Variants in DGKD observed in about 807,000 individuals in gnomAD.
The protein encoded by DGKD is DAG kinase delta.
Under a neutral mutation model 154.4 loss-of-function variants are expected in DGKD, and 68 were observed. The observed-to-expected ratio is 0.44, with a 90% CI of 0.36 to 0.54. The LOEUF (loss-of-function observed/expected upper bound fraction) is 0.54, where lower values mean the gene tolerates loss of function less well. Ranked by LOEUF, DGKD falls within the 20% of genes least tolerant of loss-of-function variation. The probability of loss-of-function intolerance (pLI) is 0.00; values close to 1 mark genes in which losing one functional copy is unlikely to be tolerated. For synonymous variants in DGKD, 693 were observed against 638.0 expected, an observed-to-expected ratio of 1.09 and a Z score of -1.30; for missense variants, 1,343 against 1,593.6, an observed-to-expected ratio of 0.84 and a Z score of 2.68.
At chr2:233,380,522 A>G (rs2125417186) in intron 1 of DGKD, among the ~76,000 whole-genome samples, 1 of 152,334 alleles carries the variant, frequency 6.6e-6, no homozygotes, top group East Asian at 1.9e-4. Context: ...CCAGCCAAGC[A>G]CTTGCCTACC....
chr2:233,374,446 T>C (rs2125405142), intron 1 of DGKD, among the ~76,000 whole-genome samples: 1 of 152,276 alleles, frequency 6.6e-6, no homozygotes, highest in African/African-American at 2.4e-5. Context: ...GTGATTTTCC[T>C]GTCTTGGCCT....
chr2:233,400,431 G>A (rs1310124145), intron 3 of DGKD, among the ~76,000 whole-genome samples: 1 of 152,194 alleles, frequency 6.6e-6, no homozygotes, highest in Admixed American at 6.5e-5. Flanking sequence ...TTCACACCCA[G>A]TGCCCACTGC....
intron 3 of DGKD, among the ~76,000 whole-genome samples, chr2:233,412,323 A>C (rs1309734864): frequency 6.6e-6 from 1 of 152,200 alleles, no homozygotes; most frequent in Non-Finnish European, 1.5e-5. Context: ...TTTTCAGTGT[A>C]GATGTCTTTA....
rs935130965 is a variant in DGKD at position 233,467,742 on chromosome 2, A to T, written c.3424+539A>T. On this transcript the variant is annotated intron_variant, in intron 28 of 29. Coordinates refer to ENST00000264057, the MANE Select transcript of DGKD (RefSeq NM_152879.3). ...AGGATCAGCCCTGAATACCCAGGCC[A>T]TATCCAGTGCTGTCAGGGGCTGGAG... Among the ~76,000 whole-genome samples, 3 of 152,208 alleles carry T rather than the reference A, an allele frequency of 2.0e-5. No individual in the cohort carries two copies. In the East Asian group the frequency reaches 5.8e-4, roughly 29 times the overall value.
intron 10 of DGKD, among the ~76,000 whole-genome samples, chr2:233,442,951 G>A (rs2062949718): frequency 6.6e-6 from 1 of 152,046 alleles, no homozygotes; most frequent in African/African-American, 2.4e-5. Context: ...CAGACACCTT[G>A]TGCCTGTGTC....
At chr2:233,410,794 C>T (rs1282770813) in intron 3 of DGKD, among the ~76,000 whole-genome samples, 1 of 152,228 alleles carries the variant, frequency 6.6e-6, no homozygotes, top group Non-Finnish European at 1.5e-5. Flanking sequence ...TTCTCTCTCT[C>T]TCTCTCATAA....
chr2:233,451,375 A>ACTTTC (rs2063287554), intron 17 of DGKD, among the ~76,000 whole-genome samples: 1 of 151,936 alleles, frequency 6.6e-6, no homozygotes, highest in Non-Finnish European at 1.5e-5. Context: ...TGATGAGGGA[A>ACTTTC]CCCGAGGGAC....
At chr2:233,367,263 CTG>C (rs1702074746) in intron 1 of DGKD, among the ~76,000 whole-genome samples, 1 of 150,476 alleles carries the variant, frequency 6.6e-6, no homozygotes, top group African/African-American at 2.5e-5. Context: ...GAATCTCACT[CTG>C]TCGCCCAGAC....
chr2:233,394,168 C>T (rs969143796), intron 3 of DGKD, among the ~76,000 whole-genome samples: 6 of 152,042 alleles, frequency 3.9e-5, no homozygotes, highest in Non-Finnish European at 7.4e-5. Context: ...CTTTGTTAAG[C>T]GTGTAAATAT....
rs547448630 is a variant in DGKD, at chr2:233,388,342, C to T, written c.242C>T (p.Thr81Met). Reference sequence around the variant, plus strand: ...AGATACTTTAAGCTTCGAGGGCGAACGCTTTACTATGCCAAAACGGCAAAG... The same window carrying T: ...AGATACTTTAAGCTTCGAGGGCGAATGCTTTACTATGCCAAAACGGCAAAG... Reference protein sequence around the residue: ...KRRYFKLRGRTLYYAKTAKSI... With the variant: ...KRRYFKLRGRMLYYAKTAKSI... Residue 81 changes from threonine (T) to methionine (M), a missense_variant, in exon 2 of 30, where the codon ACG becomes ATG. By Grantham distance (81) the Thr-to-Met change is moderately conservative (BLOSUM62 -1). Transcript: ENST00000264057. The T allele has an allele frequency of 6.2e-6, 10 of 1,613,796 alleles. No homozygotes were observed. Among genetic ancestry groups the T allele is most frequent in the South Asian group, 3.3e-5 (3 of 91,028 alleles).
At chr2:233,394,690 CCTTTTTTTTTTTTTTT>C (rs1229175242) in intron 3 of DGKD, among the ~76,000 whole-genome samples, 38 of 83,256 alleles carry the variant, frequency 4.6e-4, no homozygotes, top group African/African-American at 1.5e-3. Context: ...AATTTAATTC[CCTTTTTTTTTTTTTTT>C]TTTTTTTTTT....
chr2:233,460,194 G>A lies in DGKD; in HGVS notation c.2830G>A (p.Ala944Thr). 1 of 1,613,830 alleles carries A rather than the reference G, an allele frequency of 6.2e-7. No individual in the cohort carries two copies. ...NRAQTLTRDR[A>T]FESTLKSWED... ...TGTAATTGGGCTTTCGGGTCCATAG[G>A]CATTTGAGAGCACCCTGAAGTCCTG... The change falls in exon 24 of 30, where the codon GCA becomes ACA. Residue 944 changes from alanine (A) to threonine (T), a missense_variant and splice_region_variant. By Grantham distance (58) the Ala-to-Thr change is moderately conservative. This residue lies in a region of DGKD where 429 missense variants were observed against 496.3 expected (regional missense o/e 0.86). Transcript: ENST00000264057.
At chr2:233,436,220 A>C (rs2062689607) in intron 6 of DGKD, 96 bp from the exon 7 acceptor site, 1 of 1,570,480 alleles carries the variant, frequency 6.4e-7, no homozygotes, top group Non-Finnish European at 8.6e-7. Context: ...TGTTCTGGGA[A>C]GAATGCCTTG....
At chr2:233,374,933 T>C (rs997308296) in intron 1 of DGKD, among the ~76,000 whole-genome samples, 1 of 152,196 alleles carries the variant, frequency 6.6e-6, no homozygotes, top group Non-Finnish European at 1.5e-5. Flanking sequence ...CCTCCCAAAG[T>C]GCTGAGATTA....
intron 3 of DGKD, among the ~76,000 whole-genome samples, chr2:233,411,286 A>G (rs1487686810): frequency 2.6e-5 from 4 of 152,166 alleles, no homozygotes; most frequent in Admixed American, 2.6e-4. Context: ...TGAAGTGGTG[A>G]TCCAATTTTA....
chr2:233,362,665 A>G (rs902794321), intron 1 of DGKD, among the ~76,000 whole-genome samples: 2 of 152,204 alleles, frequency 1.3e-5, no homozygotes, highest in Admixed American at 6.5e-5. Context: ...TAGAAAAAAA[A>G]GAAAGAAAAG....
chr2:233,434,715 T>G, intron 4 of DGKD, 54 bp from the exon 5 acceptor site: 1 of 1,580,600 alleles, frequency 6.3e-7, no homozygotes, highest in Non-Finnish European at 8.6e-7. Context: ...GTTACTGCAT[T>G]TAACAATTTA....
rs1180114188 is a variant in DGKD, at chr2:233,441,210, AG to A, written c.1086-673del. On this transcript the variant is annotated intron_variant, in intron 9 of 29. Transcript: ENST00000264057. This position sits in a 1 kb window ranked among gnomAD's most constrained non-coding sequence, Gnocchi z 5.6. Reference sequence around the variant, plus strand: ...CTCCTGAGTGGGGACGCTGCTGGGCAGGGGCAGGGGGAGCCCAGGAAGGAAG... The same window carrying A: ...CTCCTGAGTGGGGACGCTGCTGGGCAGGGCAGGGGGAGCCCAGGAAGGAAG... Among the ~76,000 whole-genome samples, 10 of 152,144 alleles carry A rather than the reference AG, an allele frequency of 6.6e-5. No individual in the cohort carries two copies. Among genetic ancestry groups the A allele is most frequent in the Admixed American group, 2.0e-4 (3 of 15,274 alleles).
intron 1 of DGKD, among the ~76,000 whole-genome samples, chr2:233,359,171 G>T (rs968412570): frequency 6.6e-6 from 1 of 152,234 alleles, no homozygotes. Context: ...AGTCACTTCA[G>T]ACCCTGCGCT....
Sources: gnomAD v4.1 joint callset for allele counts (sites outside exome capture counted in the v4.1 genomes callset) on GRCh38, gnomAD v4.1.1 for gene constraint, gnomAD v4.1.1 regional missense constraint, Gnocchi (gnomAD v3.1) non-coding constraint, MANE v1.5 for transcripts, NCBI Gene and HGNC (gene_info 2026-07-23, HGNC 2026-07-21) for gene names.